Variants in CACNA1B observed in about 807,000 individuals in gnomAD.
CACNA1B encodes voltage-dependent N-type calcium channel subunit alpha-1B.
Under a neutral mutation model 247.2 loss-of-function variants are expected in CACNA1B, and 70 were observed. The observed-to-expected ratio is 0.28, with a 90% confidence interval of 0.23 to 0.35. The LOEUF is 0.35. CACNA1B is among the 10% of genes least tolerant of loss of function. The probability of loss-of-function intolerance (pLI) is 1.00; values close to 1 mark genes in which losing one functional copy is unlikely to be tolerated. For synonymous variants in CACNA1B, 1,231 were observed against 1,294.4 expected (o/e 0.95, Z 1.05); for missense variants, 2,367 against 3,197.4 (o/e 0.74, Z 6.26).
intron 35 of CACNA1B, among the ~76,000 whole-genome samples, chr9:138,077,440 A>AGTGGGCAGCAGGTCCCACAGTGCT (rs569462850): frequency 6.4e-4 from 98 of 152,266 alleles, no homozygotes; most frequent in African/African-American, 1.8e-3. Context: ...TCAGGGAAAG[A>AGTGGGCAGCAGGTCCCACAGTGCT]GTGGGCAGCA....
At chr9:137,896,890 C>T (rs942635701) in intron 3 of CACNA1B, among the ~76,000 whole-genome samples, 1 of 152,154 alleles carries the variant, frequency 6.6e-6, no homozygotes, top group South Asian at 2.1e-4. Flanking sequence ...TAGTCCAACT[C>T]GTTGAATTTA....
chr9:138,012,960 C>T lies in CACNA1B; in HGVS notation c.2161-169C>T, dbSNP rs772251731. ...CAGAGACAGCTCCTGTGGAACAGGTCGTGGGGGGCCACATTCACTCAGGGG... is the reference window on the plus strand; with the variant it reads ...CAGAGACAGCTCCTGTGGAACAGGTTGTGGGGGGCCACATTCACTCAGGGG... On this transcript the variant is annotated intron_variant, in intron 17 of 46. Coordinates refer to ENST00000371372, the MANE Select transcript of CACNA1B (RefSeq NM_000718.4). This position sits in a 1 kb window ranked among gnomAD's most constrained non-coding sequence, Gnocchi z 4.2. Among the ~76,000 whole-genome samples the T allele has an allele frequency of 4.6e-5, 7 of 152,136 alleles. No homozygotes were observed. The highest frequency in any genetic ancestry group is 4.2e-4 in the South Asian group (2 of 4,808).
chr9:138,114,279 C>T (rs571172399), intron 40 of CACNA1B, 99 bp from the exon 41 acceptor site: 67 of 660,390 alleles, frequency 1.0e-4, no homozygotes, highest in African/African-American at 9.4e-4. Context: ...TTGTGGGGGG[C>T]GAGGGAGGGG....
rs1388144988 is a variant in CACNA1B, at chr9:137,901,222, CCTGTGT to C, written c.531-11947_531-11942del. On this transcript the variant is annotated intron_variant, in intron 3 of 46. Coordinates refer to ENST00000371372, the MANE Select transcript of CACNA1B (RefSeq NM_000718.4). Reference sequence around the variant, plus strand: ...TACTGTGTGTCTCTGTGTCTGTGTCCCTGTGTCTGTGTCTGTTCTGTGTGTCTCTGT... The same window carrying C: ...TACTGTGTGTCTCTGTGTCTGTGTCCCTGTGTCTGTTCTGTGTGTCTCTGT... 3.4e-5 allele frequency among the ~76,000 whole-genome samples: 5 copies of C among 147,726 alleles called. No homozygotes were observed. The East Asian group carries it at 6.0e-4, about 18-fold the overall frequency.
At chr9:138,032,299 C>T (rs535088237) in intron 20 of CACNA1B, among the ~76,000 whole-genome samples, 15 of 152,156 alleles carry the variant, frequency 9.9e-5, no homozygotes, top group Middle Eastern at 3.4e-3. Context: ...CTCTTTATAT[C>T]GCTTTTTCCT....
At position 138,011,855 on chromosome 9, in the gene CACNA1B, G is replaced by A. The variant is rs2124655; in HGVS notation, c.2161-1274G>A. Among the ~76,000 whole-genome samples the A allele has an allele frequency of 0.28, 42,609 of 152,118 alleles. 8,318 individuals carry two copies. The highest frequency in any genetic ancestry group is 0.63 in the East Asian group (3,251 of 5,144). On this transcript the variant is annotated intron_variant, in intron 17 of 46. Coordinates refer to ENST00000371372, the MANE Select transcript of CACNA1B (RefSeq NM_000718.4). The surrounding 1 kb of genome is among the most constrained non-coding windows in gnomAD (Gnocchi z 4.2). ...TCAAGGACATTTTAGGGAACACTGG[G>A]AATGCTGGCTCCCAGGGGAGCCAGG...
chr9:137,971,759 TG>T lies in CACNA1B; in HGVS notation c.1543+171del, dbSNP rs781103726. 1.6e-4 allele frequency among the ~76,000 whole-genome samples: 25 copies of T among 152,096 alleles called. No individual in the cohort carries two copies. The highest frequency in any genetic ancestry group is 3.2e-4 in the Non-Finnish European group (22 of 68,006). On this transcript the variant is annotated intron_variant, in intron 11 of 46. Coordinates refer to ENST00000371372, the MANE Select transcript of CACNA1B (RefSeq NM_000718.4). This position sits in a 1 kb window ranked among gnomAD's most constrained non-coding sequence, Gnocchi z 4.4. ...GCCTCCAGGAGCCTCTGTGGGGGCC[TG>T]GGGTGTGTCCAGAGCTGGAGGGTGG...
intron 6 of CACNA1B, among the ~76,000 whole-genome samples, chr9:137,923,629 G>A (rs1334487966): frequency 3.3e-5 from 5 of 152,192 alleles, no homozygotes; most frequent in South Asian, 2.1e-4. Context: ...ACACATTTTT[G>A]TGCAAACATA....
intron 36 of CACNA1B, among the ~76,000 whole-genome samples, chr9:138,080,012 G>C (rs1391105556): frequency 6.6e-6 from 1 of 152,230 alleles, no homozygotes; most frequent in East Asian, 1.9e-4. Context: ...TAAGAGGAGA[G>C]GAGCACAGCC....
chr9:137,897,948 T>G (rs562137490), intron 3 of CACNA1B, among the ~76,000 whole-genome samples: 19 of 152,274 alleles, frequency 1.2e-4, no homozygotes, highest in African/African-American at 3.8e-4. Flanking sequence ...ACAATTAAAA[T>G]AAAAATAATA....
chr9:137,971,523 G>C lies in CACNA1B; in HGVS notation c.1474G>C (p.Val492Leu). The C allele has an allele frequency of 6.2e-7, 1 of 1,613,820 alleles. No homozygotes were observed. ...QSFYWVVLCV[V>L]ALNTLCVAMV... The stretch of plus-strand genomic sequence containing the variant: ...CTTCTACTGGGTGGTGCTGTGCGTG[G>C]TGGCCCTGAACACACTGTGTGTGGC... The change falls in exon 11 of 47, where the codon GTG becomes CTG. Residue 492 changes from valine (V) to leucine (L), a missense_variant. By Grantham distance (32) the Val-to-Leu change is conservative. Transcript: ENST00000371372. The surrounding 1 kb of genome is among the most constrained non-coding windows in gnomAD (Gnocchi z 4.4).
At chr9:138,118,124 G>A in intron 43 of CACNA1B, 43 bp downstream of exon 43, 1 of 1,314,524 alleles carries the variant, frequency 7.6e-7, no homozygotes, top group Non-Finnish European at 1.0e-6. Context: ...TGGGGGATGT[G>A]TGAACAGGGA....
At chr9:137,930,289 C>A (rs1294214298) in intron 6 of CACNA1B, among the ~76,000 whole-genome samples, 1 of 152,176 alleles carries the variant, frequency 6.6e-6, no homozygotes, top group Admixed American at 6.5e-5. Context: ...GATGTGTTGT[C>A]TCTTCACTTT....
intron 31 of CACNA1B, among the ~76,000 whole-genome samples, chr9:138,067,468 A>G (rs1224827514): frequency 6.6e-6 from 1 of 152,270 alleles, no homozygotes; most frequent in Admixed American, 6.5e-5. Context: ...TGGGAGGCTG[A>G]GGTGGGCAGA....
intron 3 of CACNA1B, among the ~76,000 whole-genome samples, chr9:137,885,524 G>A (rs1240156536): frequency 2.9e-5 from 4 of 139,930 alleles, no homozygotes; most frequent in Non-Finnish European, 6.2e-5. Context: ...ACCCTGGCCT[G>A]TTGCTTGGCA....
chr9:138,120,571 G>T, intron 45 of CACNA1B, 60 bp from the exon 46 acceptor site: 1 of 1,455,628 alleles, frequency 6.9e-7, no homozygotes, highest in Non-Finnish European at 9.1e-7. Flanking sequence ...TGCTGGGCCC[G>T]GGGGTCAGGG....
chr9:137,919,182 A>AG lies in CACNA1B; in HGVS notation c.966+1755dup, dbSNP rs1957449449. Among the ~76,000 whole-genome samples, 1 of 152,220 alleles carries AG rather than the reference A, an allele frequency of 6.6e-6. No individual in the cohort carries two copies. ...CCTGGGGCAGGCAGCACTGGCCAGG[A>AG]GGGGCCACAGAGGTTTCAGCCAGCA... On this transcript the variant is annotated intron_variant, in intron 6 of 46. Coordinates refer to ENST00000371372, the MANE Select transcript of CACNA1B (RefSeq NM_000718.4). This position sits in a 1 kb window ranked among gnomAD's most constrained non-coding sequence, Gnocchi z 4.6.
rs1554752989 is a variant in CACNA1B, at chr9:138,052,249, C to CGTGTGCGCGTGTGT, written c.3807+66_3807+67insCGCGTGTGTGTGTG. 6 of 779,326 alleles carry CGTGTGCGCGTGTGT rather than the reference C, an allele frequency of 7.7e-6. No homozygotes were observed. Among genetic ancestry groups the CGTGTGCGCGTGTGT allele is most frequent in the Non-Finnish European group, 1.1e-5 (5 of 464,714 alleles). 48.3% of individuals were successfully genotyped at this position (779,326 alleles called of 1,614,324 possible). Reference sequence around the variant, plus strand: ...GTGTGTGTGTGCGTGTGTGTGTGTGCGTGTGTGTGTGTGTATGCATGCAGT... The same window carrying CGTGTGCGCGTGTGT: ...GTGTGTGTGTGCGTGTGTGTGTGTGCGTGTGCGCGTGTGTGTGTGTGTGTGTGTATGCATGCAGT... On this transcript the variant is annotated intron_variant, in intron 25 of 46. Coordinates refer to ENST00000371372, the MANE Select transcript of CACNA1B (RefSeq NM_000718.4). This position sits in a 1 kb window ranked among gnomAD's most constrained non-coding sequence, Gnocchi z 5.1.
Position 137,957,648 on chromosome 9 carries a change from G to C in CACNA1B, c.1294G>C (p.Glu432Gln), listed in dbSNP as rs923638389. The C allele has an allele frequency of 3.1e-6, 5 of 1,603,776 alleles. No homozygotes were observed. The highest frequency in any genetic ancestry group is 4.3e-6 in the Non-Finnish European group (5 of 1,175,356). ...GAGCAGAAATGACCTGATCCACGCA[G>C]AGGAGGGAGAGGACCGGTTTGCAGA... ...KKSRNDLIHA[E>Q]EGEDRFADLC... Residue 432 changes from glutamate to glutamine, a missense_variant, in exon 10 of 47, where the codon GAG becomes CAG. By Grantham distance (29) the Glu-to-Gln change is conservative. Coordinates refer to ENST00000371372, the MANE Select transcript of CACNA1B (RefSeq NM_000718.4). The surrounding 1 kb of genome is among the most constrained non-coding windows in gnomAD (Gnocchi z 4.7).
Sources: gnomAD v4.1 joint callset for allele counts (sites outside exome capture counted in the v4.1 genomes callset) on GRCh38, gnomAD v4.1.1 for gene constraint, Gnocchi (gnomAD v3.1) non-coding constraint, MANE v1.5 for transcripts, NCBI Gene and HGNC (gene_info 2026-07-23, HGNC 2026-07-21) for gene names.